The following CFAP96 variants were observed in gnomAD, a reference collection of about 807,000 sequenced individuals.
CFAP96 encodes the protein cilia and flagella associated protein 96, also known as cilia-and flagella-associated protein 96.
At chr4:185,430,225 T>A in the CFAP96 span, among the ~76,000 whole-genome samples, 3 of 152,170 alleles carry the variant, frequency 2.0e-5, no homozygotes, top group South Asian at 6.2e-4. Flanking sequence ...TCATAAATAA[T>A]AAAAAGAGCT....
the CFAP96 span, chr4:185,445,325 C>A: frequency 5.6e-6 from 4 of 719,024 alleles, no homozygotes; most frequent in East Asian, 1.1e-4. Flanking sequence ...TCTGAAATTC[C>A]CAGCTGAGAA....
the CFAP96 span, chr4:185,425,982 A>C: frequency 1.7e-5 from 20 of 1,199,162 alleles, no homozygotes; most frequent in Non-Finnish European, 2.0e-5. Context: ...GACCAACTAC[A>C]ACTCCCGACA....
the CFAP96 span, among the ~76,000 whole-genome samples, chr4:185,409,248 C>T: frequency 7.1e-4 from 108 of 152,086 alleles, no homozygotes; most frequent in South Asian, 2.3e-3. Flanking sequence ...TATTTGATGA[C>T]GCTAAGTTAA....
the CFAP96 span, among the ~76,000 whole-genome samples, chr4:185,433,947 A>G: frequency 6.7e-6 from 1 of 148,828 alleles, no homozygotes; most frequent in Non-Finnish European, 1.5e-5. Context: ...CGGTGGGTGC[A>G]GTGGCTCATG....
the CFAP96 span, among the ~76,000 whole-genome samples, chr4:185,426,958 G>T: frequency 2.0e-5 from 3 of 151,014 alleles, no homozygotes; most frequent in African/African-American, 7.3e-5. Flanking sequence ...CAGCTACTCG[G>T]GAGGCTGAGA....
chr4:185,408,441 T>A, the CFAP96 span: 2 of 1,612,030 alleles, frequency 1.2e-6, no homozygotes. Context: ...TAAATCTATA[T>A]ACAGAGAAGA....
chr4:185,408,524 T>C, the CFAP96 span: 1 of 1,339,392 alleles, frequency 7.5e-7, no homozygotes. Flanking sequence ...TTAATGTTCT[T>C]AGAGTTAGAC....
At chr4:185,412,773 G>A in the CFAP96 span, among the ~76,000 whole-genome samples, 1 of 152,108 alleles carries the variant, frequency 6.6e-6, no homozygotes, top group Non-Finnish European at 1.5e-5. Context: ...GAGTCCTTGA[G>A]AGAGACTGAA....
the CFAP96 span, chr4:185,436,353 G>A: frequency 5.2e-6 from 8 of 1,542,722 alleles, no homozygotes; most frequent in Middle Eastern, 1.7e-4. Context: ...CAAAACTAAA[G>A]TATAAGGTAA....
At chr4:185,428,017 C>T in the CFAP96 span, among the ~76,000 whole-genome samples, 2 of 149,768 alleles carry the variant, frequency 1.3e-5, no homozygotes, top group East Asian at 2.0e-4. Flanking sequence ...ACCTGGGAAG[C>T]GGAGGTTGCA....
chr4:185,426,878 CCAA>C, the CFAP96 span, among the ~76,000 whole-genome samples: 1 of 29,568 alleles, frequency 3.4e-5, no homozygotes, highest in African/African-American at 1.4e-4. Context: ...ACTAAAAATA[CCAA>C]AAAAAAAAAA....
the CFAP96 span, chr4:185,445,161 T>C: frequency 0.9 from 1,362,565 of 1,515,364 alleles, 615,083 homozygotes; most frequent in East Asian, 0.98. Flanking sequence ...GCTTACAAAC[T>C]AAGAAAAAAT....
the CFAP96 span, among the ~76,000 whole-genome samples, chr4:185,430,366 C>A: frequency 4.6e-5 from 7 of 151,960 alleles, no homozygotes; most frequent in Non-Finnish European, 1.5e-5. Context: ...AAGCAAGGTG[C>A]AGAATAGTCT....
At chr4:185,425,621 C>G in the CFAP96 span, among the ~76,000 whole-genome samples, 2 of 152,246 alleles carry the variant, frequency 1.3e-5, no homozygotes, top group African/African-American at 4.8e-5. Context: ...TACTTTCACA[C>G]AGAGAAGTAG....
chr4:185,441,547 T>TATG, the CFAP96 span, among the ~76,000 whole-genome samples: 9 of 152,074 alleles, frequency 5.9e-5, no homozygotes, highest in Non-Finnish European at 4.4e-5. Flanking sequence ...TGGTAAGGTT[T>TATG]ATGTCATTTT....
the CFAP96 span, among the ~76,000 whole-genome samples, chr4:185,416,837 A>C: frequency 6.6e-6 from 1 of 152,292 alleles, no homozygotes; most frequent in Admixed American, 6.5e-5. Context: ...CAGATTATAA[A>C]CCACTGCATA....
the CFAP96 span, chr4:185,440,700 C>T: frequency 9.1e-5 from 130 of 1,426,766 alleles, no homozygotes; most frequent in Non-Finnish European, 1.2e-4. Context: ...ACTTTTAAAC[C>T]GTCTTCTCCT....
chr4:185,446,720 C>T, the CFAP96 span, among the ~76,000 whole-genome samples: 2 of 39,604 alleles, frequency 5.0e-5, no homozygotes, highest in Non-Finnish European at 1.7e-4. Context: ...TATCTATAGC[C>T]CACAACATTT....
chr4:185,426,301 C>G, the CFAP96 span: 1 of 164,394 alleles, frequency 6.1e-6, no homozygotes, highest in Non-Finnish European at 1.3e-5. Context: ...GAACCCTCGC[C>G]GCTCCCGCAG....
Sources: gnomAD v4.1 joint callset for allele counts (sites outside exome capture counted in the v4.1 genomes callset) on GRCh38, gnomAD v4.1.1 for gene constraint, MANE v1.5 for transcripts, NCBI Gene and HGNC (gene_info 2026-07-23, HGNC 2026-07-21) for gene names.